The following NRXN3 variants were observed in gnomAD, a reference collection of about 807,000 sequenced individuals.
The protein encoded by NRXN3 is neurexin 3, also known as neurexin III.
A neutral mutation model predicts 137.6 loss-of-function variants in NRXN3; 32 were observed. That is an observed-to-expected ratio of 0.23 (90% CI 0.18 to 0.31). NRXN3 has a LOEUF of 0.31. Ranked by LOEUF, NRXN3 falls within the 10% of genes least tolerant of loss-of-function variation. The pLI is 1.00. For synonymous variants in NRXN3, 798 were observed against 784.5 expected (o/e 1.02, Z -0.29); for missense variants, 1,574 against 2,062.5 (o/e 0.76, Z 4.59).
At chr14:79,015,563 G>T (rs1402400923) in intron 15 of NRXN3, among the ~76,000 whole-genome samples, 1 of 152,144 alleles carries the variant, frequency 6.6e-6, no homozygotes, top group African/African-American at 2.4e-5. Context: ...TCTTGAGCAT[G>T]AGTAGAACTC....
At chr14:79,554,514 A>G (rs1476452744) in intron 16 of NRXN3, among the ~76,000 whole-genome samples, 1 of 152,196 alleles carries the variant, frequency 6.6e-6, no homozygotes, top group Non-Finnish European at 1.5e-5. Context: ...ACTTTGGTCC[A>G]GACTATAGAG....
At chr14:78,728,990 C>T (rs2098501203) in intron 8 of NRXN3, among the ~76,000 whole-genome samples, 1 of 152,182 alleles carries the variant, frequency 6.6e-6, no homozygotes, top group Non-Finnish European at 1.5e-5. Context: ...TTTTTAACCC[C>T]TTTTTAGCCT....
intron 15 of NRXN3, among the ~76,000 whole-genome samples, chr14:79,287,004 T>C (rs2082378473): frequency 6.6e-6 from 1 of 152,160 alleles, no homozygotes; most frequent in African/African-American, 2.4e-5. Context: ...TTATGAGACA[T>C]ATTTTCATGA....
chr14:79,399,676 T>C (rs927135707), intron 15 of NRXN3, among the ~76,000 whole-genome samples: 2 of 152,226 alleles, frequency 1.3e-5, no homozygotes, highest in African/African-American at 4.8e-5. Flanking sequence ...TAAAAAGCGT[T>C]GTGCTCAAGG....
At chr14:78,720,662 T>C in intron 8 of NRXN3, among the ~76,000 whole-genome samples, 1 of 152,238 alleles carries the variant, frequency 6.6e-6, no homozygotes, top group East Asian at 1.9e-4. Context: ...ATCTCTATCA[T>C]TTTAGATCAA....
intron 20 of NRXN3, among the ~76,000 whole-genome samples, chr14:79,842,821 A>C (rs2099358938): frequency 6.6e-6 from 1 of 152,178 alleles, no homozygotes; most frequent in Non-Finnish European, 1.5e-5. Context: ...TCCTCTGCAC[A>C]TTAGATCTTT....
intron 15 of NRXN3, among the ~76,000 whole-genome samples, chr14:79,307,762 C>T: frequency 6.6e-6 from 1 of 152,164 alleles, no homozygotes; most frequent in Middle Eastern, 3.4e-3. Flanking sequence ...CATTTCACCT[C>T]TCTTTCTCTC....
intron 4 of NRXN3, among the ~76,000 whole-genome samples, chr14:78,583,408 G>T (rs2097024456): frequency 6.7e-6 from 1 of 149,772 alleles, no homozygotes. Flanking sequence ...TATTTATAAT[G>T]AAAAAAACCT....
intron 20 of NRXN3, among the ~76,000 whole-genome samples, chr14:79,825,199 T>C (rs2099291074): frequency 7.2e-6 from 1 of 138,826 alleles, no homozygotes; most frequent in Non-Finnish European, 1.5e-5. Context: ...AAATAATTCT[T>C]TGTGTGCTTT....
chr14:78,972,324 A>G (rs926068066), intron 14 of NRXN3, among the ~76,000 whole-genome samples: 11 of 152,142 alleles, frequency 7.2e-5, no homozygotes, highest in African/African-American at 1.4e-4. Flanking sequence ...GCCTGCAACT[A>G]TTTGGGTTTG....
chr14:79,560,503 G>A (rs1231722069), intron 16 of NRXN3, among the ~76,000 whole-genome samples: 3 of 39,572 alleles, frequency 7.6e-5, no homozygotes, highest in African/African-American at 1.5e-4. Context: ...AAGATTGTAA[G>A]CTTTTTTTTT....
At chr14:78,264,994 G>A (rs770956593) in intron 2 of NRXN3, among the ~76,000 whole-genome samples, 6 of 152,228 alleles carry the variant, frequency 3.9e-5, no homozygotes, top group Non-Finnish European at 7.3e-5. Context: ...TCTGGGCTTA[G>A]AGATAAATCT....
chr14:79,315,262 C>G (rs1234157660), intron 15 of NRXN3, among the ~76,000 whole-genome samples: 1 of 152,164 alleles, frequency 6.6e-6, no homozygotes, highest in Non-Finnish European at 1.5e-5. Context: ...ATAGCAATCT[C>G]AAAGACTAAT....
At chr14:79,850,936 A>T (rs2099390158) in intron 20 of NRXN3, among the ~76,000 whole-genome samples, 1 of 152,226 alleles carries the variant, frequency 6.6e-6, no homozygotes, top group East Asian at 1.9e-4. Context: ...GGGTTTAAAA[A>T]ATACACATAT....
intron 19 of NRXN3, among the ~76,000 whole-genome samples, chr14:79,762,618 T>C (rs1040733555): frequency 2.6e-5 from 4 of 151,766 alleles, no homozygotes; most frequent in Admixed American, 1.3e-4. Flanking sequence ...CTTCTGTAAG[T>C]CTTATTTTCT....
intron 4 of NRXN3, among the ~76,000 whole-genome samples, chr14:78,356,547 C>G (rs1290541667): frequency 6.6e-6 from 1 of 152,184 alleles, no homozygotes; most frequent in Non-Finnish European, 1.5e-5. Flanking sequence ...CAAGTGGAAA[C>G]TCATTCCTCG....
chr14:79,764,096 T>C (rs767741695), intron 19 of NRXN3, among the ~76,000 whole-genome samples: 2 of 152,048 alleles, frequency 1.3e-5, no homozygotes, highest in Non-Finnish European at 2.9e-5. Flanking sequence ...CCCTGTCCAA[T>C]GATACTTAGC....
chr14:78,489,326 A>G (rs749540580), intron 4 of NRXN3, among the ~76,000 whole-genome samples: 9 of 152,142 alleles, frequency 5.9e-5, no homozygotes, highest in Non-Finnish European at 1.0e-4. Context: ...TATTATTGAA[A>G]CAGAACCCAG....
intron 8 of NRXN3, among the ~76,000 whole-genome samples, chr14:78,759,763 A>C (rs1323317037): frequency 6.6e-6 from 1 of 152,242 alleles, no homozygotes; most frequent in Non-Finnish European, 1.5e-5. Flanking sequence ...GCTTAACAGA[A>C]GGAGTAGAAA....
Sources: gnomAD v4.1 joint callset for allele counts (sites outside exome capture counted in the v4.1 genomes callset) on GRCh38, gnomAD v4.1.1 for gene constraint, MANE v1.5 for transcripts, NCBI Gene and HGNC (gene_info 2026-07-23, HGNC 2026-07-21) for gene names.